The following DPYD variants were observed in gnomAD, a reference collection of about 807,000 sequenced individuals.
The protein encoded by DPYD is dihydropyrimidine dehydrogenase [NADP(+)].
Under a neutral mutation model 116.2 loss-of-function variants are expected in DPYD, and 109 were observed. The ratio of observed to expected loss-of-function variants is 0.94; its 90% confidence interval spans 0.80 to 1.10. DPYD has a LOEUF of 1.10. Ranked by LOEUF, DPYD falls within the 50% of genes least tolerant of loss-of-function variation. DPYD has a pLI of 0.00. For synonymous variants in DPYD, 440 were observed against 432.0 expected, an observed-to-expected ratio of 1.02 and a Z score of -0.23; for missense variants, 1,302 against 1,254.5, an observed-to-expected ratio of 1.04 and a Z score of -0.57.
intron 15 of DPYD, among the ~76,000 whole-genome samples, chr1:97,375,238 C>G (rs1454384502): frequency 1.3e-5 from 2 of 152,058 alleles, no homozygotes; most frequent in African/African-American, 4.8e-5. Context: ...TAGTTCACTA[C>G]TTTCTAAGTA....
intron 14 of DPYD, among the ~76,000 whole-genome samples, chr1:97,389,326 G>A (rs1414374744): frequency 5.6e-5 from 8 of 143,664 alleles, no homozygotes; most frequent in Non-Finnish European, 7.6e-5. Context: ...AAAAAAAAAC[G>A]AAGAAAGAAA....
intron 7 of DPYD, among the ~76,000 whole-genome samples, chr1:97,690,935 T>C (rs761574853): frequency 3.9e-5 from 6 of 152,156 alleles, no homozygotes; most frequent in Non-Finnish European, 5.9e-5. Context: ...TACTGGTAAA[T>C]GCAAAAGGTA....
intron 1 of DPYD, among the ~76,000 whole-genome samples, chr1:97,885,732 A>C (rs1290723551): frequency 6.6e-6 from 1 of 152,100 alleles, no homozygotes; most frequent in Non-Finnish European, 1.5e-5. Context: ...TCTCACAGTT[A>C]ATATGCAAAA....
chr1:97,778,215 AGAGAGG>A (rs1260459348), intron 3 of DPYD, among the ~76,000 whole-genome samples: 1 of 123,126 alleles, frequency 8.1e-6, no homozygotes, highest in Non-Finnish European at 1.7e-5. Context: ...AGAGAGAGAG[AGAGAGG>A]GAGGGAGGGA....
At chr1:97,656,707 T>A (rs140274020) in intron 8 of DPYD, among the ~76,000 whole-genome samples, 103 of 152,318 alleles carry the variant, frequency 6.8e-4, no homozygotes, top group Admixed American at 2.5e-3. Flanking sequence ...AGAGATACAC[T>A]TGCATTTGGT....
intron 3 of DPYD, chr1:97,796,837 C>T (rs1336108776): frequency 6.6e-6 from 1 of 152,084 alleles, no homozygotes; most frequent in East Asian, 1.9e-4. Flanking sequence ...TAATTTGTGG[C>T]ACTACTGTAT....
intron 3 of DPYD, among the ~76,000 whole-genome samples, chr1:97,744,535 T>C (rs1664441402): frequency 6.6e-6 from 1 of 152,040 alleles, no homozygotes; most frequent in South Asian, 2.1e-4. Context: ...AGAGTTTGGT[T>C]TAATTGAGTC....
chr1:97,699,668 T>G, intron 5 of DPYD, 121 bp from the exon 6 acceptor site: 2 of 934,044 alleles, frequency 2.1e-6, no homozygotes, highest in Non-Finnish European at 3.4e-6. Context: ...TTTTCAGTAT[T>G]AATATGGTAT....
intron 5 of DPYD, among the ~76,000 whole-genome samples, chr1:97,717,595 C>T (rs753436608): frequency 4.0e-4 from 61 of 152,026 alleles, no homozygotes; most frequent in Non-Finnish European, 7.1e-4. Context: ...TCCTCCCACC[C>T]ACCATTTCTC....
chr1:97,914,112 GC>G (rs1345868536), intron 1 of DPYD, among the ~76,000 whole-genome samples: 2 of 152,166 alleles, frequency 1.3e-5, no homozygotes, highest in East Asian at 3.9e-4. Flanking sequence ...GTAAAGTCTA[GC>G]AAAAATGCTG....
chr1:97,272,094 T>C (rs775998847), intron 18 of DPYD, among the ~76,000 whole-genome samples: 4 of 152,186 alleles, frequency 2.6e-5, no homozygotes, highest in Non-Finnish European at 4.4e-5. Flanking sequence ...AAGGTCTCCA[T>C]TCAATTTGAC....
At chr1:97,185,261 G>A (rs1657919175) in intron 20 of DPYD, among the ~76,000 whole-genome samples, 2 of 152,048 alleles carry the variant, frequency 1.3e-5, no homozygotes, top group South Asian at 4.2e-4. Context: ...TTAGGGAGAA[G>A]AAAATTAAAA....
At chr1:97,650,658 CAGAT>C (rs1334009925) in intron 8 of DPYD, among the ~76,000 whole-genome samples, 1 of 152,076 alleles carries the variant, frequency 6.6e-6, no homozygotes, top group African/African-American at 2.4e-5. Context: ...GTTAAACAAA[CAGAT>C]AGAAACATCT....
Position 97,287,735 on chromosome 1 carries a change from G to C in DPYD, c.2299+17524C>G, listed in dbSNP as rs4285754. Reference sequence around the variant, plus strand: ...TGTGGGTGTAGGACCCTCCGAGCCAGGTGCAGGATATAATCTCCTGGTGCG... The same window carrying C: ...TGTGGGTGTAGGACCCTCCGAGCCACGTGCAGGATATAATCTCCTGGTGCG... On this transcript the variant is annotated intron_variant, in intron 18 of 22. Coordinates refer to ENST00000370192, the MANE Select transcript of DPYD (RefSeq NM_000110.4). Among the ~76,000 whole-genome samples, 5 of 152,036 alleles carry C rather than the reference G, an allele frequency of 3.3e-5. No homozygotes were observed. The East Asian group carries it at 9.7e-4, about 30-fold the overall frequency.
chr1:97,803,701 T>C (rs939357088), intron 3 of DPYD, among the ~76,000 whole-genome samples: 2 of 151,884 alleles, frequency 1.3e-5, no homozygotes, highest in Non-Finnish European at 2.9e-5. Flanking sequence ...AAATGAAATA[T>C]GGCTGAAAAG....
At chr1:97,812,269 C>T (rs1668381179) in intron 3 of DPYD, among the ~76,000 whole-genome samples, 2 of 152,046 alleles carry the variant, frequency 1.3e-5, no homozygotes, top group South Asian at 4.1e-4. Flanking sequence ...ACCTTAGCAC[C>T]CAGCCTTGTG....
At chr1:97,650,170 G>T (rs1658501838) in intron 8 of DPYD, among the ~76,000 whole-genome samples, 1 of 152,070 alleles carries the variant, frequency 6.6e-6, no homozygotes, top group Non-Finnish European at 1.5e-5. Flanking sequence ...TTTTCAAAGT[G>T]TTTCATTATG....
At chr1:97,760,444 TA>T (rs1288329931) in intron 3 of DPYD, among the ~76,000 whole-genome samples, 1 of 152,060 alleles carries the variant, frequency 6.6e-6, no homozygotes, top group African/African-American at 2.4e-5. Flanking sequence ...AATACAACAA[TA>T]AAAATAACAT....
intron 16 of DPYD, among the ~76,000 whole-genome samples, chr1:97,346,703 A>C (rs1669866982): frequency 6.6e-6 from 1 of 151,770 alleles, no homozygotes; most frequent in Non-Finnish European, 1.5e-5. Context: ...AATAGTTCAA[A>C]ATTTTCTCAC....
Sources: allele counts gnomAD v4.1 joint callset (sites outside exome capture counted in the v4.1 genomes callset), GRCh38; gene constraint gnomAD v4.1.1; transcripts MANE v1.5; gene names NCBI Gene and HGNC (gene_info 2026-07-23, HGNC 2026-07-21).